Variants in TMBIM6 observed in about 807,000 individuals in gnomAD.
TMBIM6 encodes the protein bax inhibitor 1.
A neutral mutation model predicts 31.4 loss-of-function variants in TMBIM6; 13 were observed. The ratio of observed to expected loss-of-function variants is 0.41; its 90% confidence interval spans 0.27 to 0.66. The LOEUF is 0.66. Ranked by LOEUF, TMBIM6 falls within the 30% of genes least tolerant of loss-of-function variation. TMBIM6 has a pLI of 0.28. For synonymous variants in TMBIM6, 85 were observed against 101.7 expected (o/e 0.84, Z 0.99); for missense variants, 275 against 289.5 (o/e 0.95, Z 0.36).
intron 4 of TMBIM6, among the ~76,000 whole-genome samples, chr12:49,757,180 T>A (rs995657537): frequency 2.0e-5 from 3 of 152,228 alleles, no homozygotes; most frequent in Non-Finnish European, 4.4e-5. Flanking sequence ...CTGGCCTGCT[T>A]TCTAATCTCA....
intron 1 of TMBIM6, among the ~76,000 whole-genome samples, chr12:49,751,758 A>ATTTTTTTTTTTTTTTTTTTTTTT (rs58141027): frequency 9.2e-6 from 1 of 108,572 alleles, no homozygotes; most frequent in Non-Finnish European, 1.8e-5. Context: ...TAGTGAGATA[A>ATTTTTTTTTTTTTTTTTTTTTTT]TTTTTTTTTT....
At chr12:49,755,860 G>A (rs1945581905) in intron 4 of TMBIM6, 105 bp downstream of exon 4, 1 of 1,296,900 alleles carries the variant, frequency 7.7e-7, no homozygotes. Context: ...TTGAGACAGA[G>A]TCTCGCTCTG....
At chr12:49,758,818 C>CTTTTTTTTTTTTTTTTTTTTTT (rs57007895) in intron 7 of TMBIM6, 56 bp downstream of exon 7, 1 of 969,450 alleles carries the variant, frequency 1.0e-6, no homozygotes, top group Non-Finnish European at 1.4e-6. Flanking sequence ...TCTTTCTTTC[C>CTTTTTTTTTTTTTTTTTTTTTT]TTTTTTTTTT....
chr12:49,758,769 C>T lies in TMBIM6; in HGVS notation c.513+7C>T, dbSNP rs1195970164. 6 of 1,608,494 alleles carry T rather than the reference C, an allele frequency of 3.7e-6. No homozygotes were observed. The highest frequency in any genetic ancestry group is 5.1e-6 in the Non-Finnish European group (6 of 1,176,456). ...ATCCATTTGGCTTTTCCAGGTAAGA[C>T]TTAGCCTGGAACTTTCCAGCAGCCA... is the stretch of plus-strand genomic sequence containing the variant. On this transcript the variant is annotated splice_region_variant and intron_variant, in intron 7 of 9. Transcript: ENST00000267115.
intron 1 of TMBIM6, chr12:49,750,752 GC>G (rs1945480030): frequency 6.6e-6 from 1 of 152,242 alleles, no homozygotes; most frequent in African/African-American, 2.4e-5. Flanking sequence ...ACCAGAGAAA[GC>G]AAGCCAGCCA....
rs781008646 is a variant in TMBIM6 at position 49,742,254 on chromosome 12, C to T, written c.-31+643C>T. On this transcript the variant is annotated intron_variant, in intron 1 of 9. Transcript: ENST00000267115. ...TCCAGGCCCACGGGGCGGCCCCGCT[C>T]TTTTCGGATTGGTTACCTTTGGGCA... 9.9e-6 allele frequency: 16 copies of T among 1,608,274 alleles called. No homozygotes were observed. In the Admixed American group the frequency reaches 1.2e-4, roughly 12 times the overall value.
chr12:49,752,541 T>A lies in TMBIM6; in HGVS notation c.48T>A (p.Phe16Leu). The A allele has an allele frequency of 6.2e-7, 1 of 1,613,380 alleles. No homozygotes were observed. The highest frequency in any genetic ancestry group is 8.5e-7 in the Non-Finnish European group (1 of 1,179,662). Reference protein sequence around the residue: ...RKINFDALLKFSHITPSTQQH... With the variant: ...RKINFDALLKLSHITPSTQQH... Reference sequence around the variant, plus strand: ...TCAACTTTGATGCGCTTTTAAAATTTTCTCATATGTAAGTGTTTTGACCTT... The same window carrying A: ...TCAACTTTGATGCGCTTTTAAAATTATCTCATATGTAAGTGTTTTGACCTT... Residue 16 changes from phenylalanine to leucine, a missense_variant, in exon 2 of 10, where the codon TTT (phenylalanine) becomes TTA (leucine). Phe to Leu is a conservative substitution (Grantham distance 22). Transcript: ENST00000267115.
At chr12:49,748,601 T>A (rs112224846) in intron 1 of TMBIM6, among the ~76,000 whole-genome samples, 5,351 of 152,260 alleles carry the variant, frequency 0.035, 171 homozygotes, top group African/African-American at 0.087. Context: ...TTTCCTCTCC[T>A]GGGATGAAGG....
At chr12:49,744,277 C>G (rs1169065791) in intron 1 of TMBIM6, 1 of 152,148 alleles carries the variant, frequency 6.6e-6, no homozygotes, top group East Asian at 1.9e-4. Context: ...GTAAACTGCC[C>G]AAGGGTATTA....
chr12:49,753,115 A>C, intron 3 of TMBIM6, 34 bp downstream of exon 3: 1 of 1,586,046 alleles, frequency 6.3e-7, no homozygotes, highest in Non-Finnish European at 8.6e-7. Context: ...TTGCTGTGGT[A>C]CAAATTACAT....
At chr12:49,756,142 CT>C (rs1202617534) in intron 4 of TMBIM6, among the ~76,000 whole-genome samples, 1 of 146,668 alleles carries the variant, frequency 6.8e-6, no homozygotes. Flanking sequence ...CCTTTTTTTC[CT>C]TTTTTTTTGA....
intron 1 of TMBIM6, among the ~76,000 whole-genome samples, chr12:49,751,982 C>T (rs1324898925): frequency 6.6e-6 from 1 of 151,896 alleles, no homozygotes; most frequent in Non-Finnish European, 1.5e-5. Context: ...AGGCTGGTCT[C>T]GAACTCCTGA....
chr12:49,757,161 C>T (rs1040397520), intron 4 of TMBIM6, among the ~76,000 whole-genome samples: 5 of 152,226 alleles, frequency 3.3e-5, no homozygotes, highest in Admixed American at 6.5e-5. Flanking sequence ...GCCACTGTGC[C>T]TGGCCTTCCT....
intron 1 of TMBIM6, chr12:49,742,121 G>T: frequency 6.2e-7 from 1 of 1,607,892 alleles, no homozygotes; most frequent in Non-Finnish European, 8.5e-7. Context: ...TCGAGGTAGG[G>T]CCTGGCGGGC....
intron 1 of TMBIM6, 156 bp downstream of exon 1, chr12:49,741,767 G>C (rs188685733): frequency 4.1e-6 from 1 of 243,354 alleles, no homozygotes; most frequent in East Asian, 1.2e-4. Flanking sequence ...CGGGAAAACA[G>C]GGTGTGGAGG....
intron 1 of TMBIM6, chr12:49,742,088 G>A (rs947659566): frequency 7.6e-6 from 12 of 1,589,064 alleles, no homozygotes; most frequent in Non-Finnish European, 8.5e-6. Context: ...GCTGACCCTG[G>A]GTGAGCGGCC....
intron 9 of TMBIM6, chr12:49,762,022 G>C: frequency 2.0e-6 from 1 of 490,806 alleles, no homozygotes; most frequent in East Asian, 3.4e-5. Flanking sequence ...TTCAGTGGCA[G>C]TAAACACAAC....
At chr12:49,757,253 A>C (rs1185755693) in intron 4 of TMBIM6, among the ~76,000 whole-genome samples, 1 of 152,234 alleles carries the variant, frequency 6.6e-6, no homozygotes, top group Non-Finnish European at 1.5e-5. Context: ...CTGTGACTCT[A>C]CTTTTGTGTC....
intron 1 of TMBIM6, among the ~76,000 whole-genome samples, chr12:49,746,205 C>T (rs1422302906): frequency 2.0e-5 from 3 of 151,846 alleles, no homozygotes; most frequent in South Asian, 2.1e-4. Context: ...GCCTCAGCCT[C>T]CCAAGTAGCT....
Sources: allele counts gnomAD v4.1 joint callset (sites outside exome capture counted in the v4.1 genomes callset), GRCh38; gene constraint gnomAD v4.1.1; transcripts MANE v1.5; gene names NCBI Gene and HGNC (gene_info 2026-07-23, HGNC 2026-07-21).